SREK1: variants seen among roughly 807,000 people sequenced by gnomAD.
SREK1 encodes the protein splicing regulatory glutamine/lysine-rich protein 1.
A neutral mutation model predicts 66.5 loss-of-function variants in SREK1; 13 were observed. The observed-to-expected ratio is 0.20, with a 90% CI of 0.13 to 0.31. The LOEUF (loss-of-function observed/expected upper bound fraction) is 0.31, where lower values mean the gene tolerates loss of function less well. Ranked by LOEUF, SREK1 falls within the 10% of genes least tolerant of loss-of-function variation. SREK1 has a pLI of 1.00. For missense variants in SREK1, 607 were observed against 769.6 expected, an observed-to-expected ratio of 0.79 and a Z score of 2.50; for synonymous variants, 265 against 263.5, an observed-to-expected ratio of 1.01 and a Z score of -0.05.
chr5:66,170,327 G>A (rs555994735), intron 8 of SREK1, among the ~76,000 whole-genome samples, 157 bp downstream of exon 8: 244 of 152,244 alleles, frequency 1.6e-3, no homozygotes, highest in Non-Finnish European at 2.9e-3. Context: ...AGTAATCTAG[G>A]ATTAATATTG....
intron 1 of SREK1, chr5:66,144,898 T>A: frequency 1.0e-6 from 1 of 1,003,706 alleles, no homozygotes; most frequent in Non-Finnish European, 1.2e-6. Flanking sequence ...GGCAAACGTC[T>A]CAGAGCGTTT....
intron 7 of SREK1, chr5:66,167,955 G>A (rs1745308224): frequency 6.6e-6 from 1 of 152,086 alleles, no homozygotes; most frequent in East Asian, 1.9e-4. Flanking sequence ...TTGCAGTTTT[G>A]CCTTAACATC....
At chr5:66,177,423 G>T (rs1746147123) in intron 10 of SREK1, 91 bp from the exon 11 acceptor site, 10 of 1,033,584 alleles carry the variant, frequency 9.7e-6, no homozygotes, top group Non-Finnish European at 1.3e-5. Context: ...CATTATTTTA[G>T]ATATCCAGTG....
At chr5:66,168,279 A>G (rs1745329610) in intron 7 of SREK1, 1 of 152,182 alleles carries the variant, frequency 6.6e-6, no homozygotes, top group African/African-American at 2.4e-5. Context: ...AAATGTGTTT[A>G]AAAACAAAAG....
At chr5:66,161,722 T>C (rs759871161) in intron 3 of SREK1, among the ~76,000 whole-genome samples, 9 of 152,162 alleles carry the variant, frequency 5.9e-5, no homozygotes, top group Non-Finnish European at 1.2e-4. Flanking sequence ...AGGTTAAATA[T>C]TTTACTAGTT....
In SREK1 at chr5:66,178,870, A is replaced by G. The variant is rs762235810; in HGVS notation, c.*2A>G. ...TCTACCAAAACAGAAGCAGTATAGG[A>G]CCGACAAGTGTACCTCTGCACTCAA... On this transcript the variant is annotated 3_prime_UTR_variant, in exon 12 of 12. Transcript: ENST00000334121. 3 of 1,608,722 alleles carry G rather than the reference A, an allele frequency of 1.9e-6. No homozygotes were observed. The highest frequency in any genetic ancestry group is 2.7e-5 in the African/African-American group (2 of 74,698).
chr5:66,176,310 AC>A (rs1746050492), intron 10 of SREK1, among the ~76,000 whole-genome samples: 1 of 152,024 alleles, frequency 6.6e-6, no homozygotes, highest in Admixed American at 6.6e-5. Context: ...CCAGTGTCCC[AC>A]CCTTTTAATT....
chr5:66,153,591 C>T lies in SREK1; in HGVS notation c.290C>T (p.Ala97Val), dbSNP rs1744031343. The part of the protein sequence containing the change: ...IDRALIVVPC[A>V]EGKIPEESKA... ...AGAGCTCTGATAGTTGTTCCTTGTG[C>T]AGAAGGTTGGTATCTCGCTTTTTTT... Residue 97 changes from alanine (A) to valine (V), a missense_variant, in exon 2 of 12, where the codon GCA becomes GTA. Ala to Val is a moderately conservative substitution (Grantham distance 64). This residue lies in a region of SREK1 where 99 missense variants were observed against 186.6 expected (regional missense o/e 0.53). Transcript: ENST00000334121. 6 of 1,613,948 alleles carry T rather than the reference C, an allele frequency of 3.7e-6. No homozygotes were observed. Among genetic ancestry groups the T allele is most frequent in the Non-Finnish European group, 5.1e-6 (6 of 1,179,904 alleles).
intron 11 of SREK1, among the ~76,000 whole-genome samples, chr5:66,178,055 A>G (rs1468547189): frequency 2.6e-5 from 4 of 152,048 alleles, no homozygotes; most frequent in Non-Finnish European, 4.4e-5. Context: ...ACCACATTCC[A>G]CCAAGTGAGC....
intron 1 of SREK1, chr5:66,144,932 C>CCG: frequency 1.0e-6 from 1 of 992,720 alleles, no homozygotes; most frequent in Non-Finnish European, 1.2e-6. Flanking sequence ...ATCGCGGAGA[C>CCG]CGCGCCTGAG....
chr5:66,147,314 C>T (rs1453367660), intron 1 of SREK1, among the ~76,000 whole-genome samples: 6 of 152,126 alleles, frequency 3.9e-5, no homozygotes, highest in Admixed American at 3.9e-4. Context: ...ATCAATCTCA[C>T]AGCTTGTGAA....
Position 66,144,484 on chromosome 5 carries a change from G to A in SREK1, c.108G>A (p.Arg36=), listed in dbSNP as rs1742970366. The change falls in exon 1 of 12, where the codon CGG becomes CGA. Residue 36 remains arginine, a synonymous_variant. Coordinates refer to ENST00000334121, the MANE Select transcript of SREK1 (RefSeq NM_001077199.3). ...LSSAVTSEQM[R]TLFSFLGEIE... is the part of the protein sequence containing the mutation. ...CGGCGGTGACCAGCGAGCAGATGCG[G>A]ACGCTTTTTTCCTTCCTAGGAGAAA... 6.4e-7 allele frequency: 1 copy of A among 1,553,622 alleles called. No homozygotes were observed. The highest frequency in any genetic ancestry group is 1.4e-5 in the African/African-American group (1 of 73,264).
At chr5:66,167,068 G>A (rs1363477180) in intron 7 of SREK1, 1 of 152,098 alleles carries the variant, frequency 6.6e-6, no homozygotes, top group Non-Finnish European at 1.5e-5. Context: ...GCATGAGCGT[G>A]GGTTGCAGGA....
At chr5:66,145,838 G>A (rs1743144449) in intron 1 of SREK1, among the ~76,000 whole-genome samples, 1 of 149,528 alleles carries the variant, frequency 6.7e-6, no homozygotes, top group Non-Finnish European at 1.5e-5. Context: ...TGTATTAATA[G>A]TTATCTCCTT....
At chr5:66,156,451 G>C in intron 2 of SREK1, 1 of 1,038,590 alleles carries the variant, frequency 9.6e-7, no homozygotes, top group South Asian at 4.3e-5. Context: ...AGGATACAGT[G>C]TTGTGAAGCT....
chr5:66,157,771 G>T (rs1015574272), intron 2 of SREK1: 5 of 885,134 alleles, frequency 5.6e-6, no homozygotes, highest in African/African-American at 1.8e-5. Context: ...TGCTGCAAAG[G>T]TAGAAAATAG....
intron 2 of SREK1, among the ~76,000 whole-genome samples, chr5:66,154,038 C>T (rs969803012): frequency 1.3e-5 from 2 of 152,084 alleles, no homozygotes; most frequent in African/African-American, 4.8e-5. Flanking sequence ...CTTTCAAGTA[C>T]ACTCTTAAGG....
chr5:66,153,157 T>G (rs1010579431), intron 1 of SREK1, among the ~76,000 whole-genome samples: 11 of 152,202 alleles, frequency 7.2e-5, no homozygotes, highest in African/African-American at 2.4e-4. Context: ...TGATACACTT[T>G]TTGAGTTAAT....
chr5:66,168,628 C>G (rs13178074), intron 7 of SREK1: 1 of 152,106 alleles, frequency 6.6e-6, no homozygotes, highest in Non-Finnish European at 1.5e-5. Flanking sequence ...CCACCTGCCT[C>G]GGCCTCCCAG....
Sources: gnomAD v4.1 joint callset for allele counts (sites outside exome capture counted in the v4.1 genomes callset) on GRCh38, gnomAD v4.1.1 for gene constraint, gnomAD v4.1.1 regional missense constraint, MANE v1.5 for transcripts, NCBI Gene and HGNC (gene_info 2026-07-23, HGNC 2026-07-21) for gene names.